COP1: variants seen among roughly 807,000 people sequenced by gnomAD.
COP1 encodes the protein COP1 E3 ubiquitin ligase, also known as E3 ubiquitin-protein ligase COP1.
Under a neutral mutation model 101.3 loss-of-function variants are expected in COP1, and 24 were observed. The ratio of observed to expected loss-of-function variants is 0.24; its 90% CI spans 0.17 to 0.33. The LOEUF (loss-of-function observed/expected upper bound fraction) is 0.33. COP1 is among the 10% of genes least tolerant of loss of function. The probability of loss-of-function intolerance (pLI) is 1.00; values close to 1 mark genes in which losing one functional copy is unlikely to be tolerated. For missense variants in COP1, 663 were observed against 906.2 expected (o/e 0.73, Z 3.45); for synonymous variants, 347 against 341.9 (o/e 1.01, Z -0.17).
At chr1:176,154,309 A>G (rs1429883565) in intron 5 of COP1, among the ~76,000 whole-genome samples, 1 of 152,200 alleles carries the variant, frequency 6.6e-6, no homozygotes, top group Non-Finnish European at 1.5e-5. Context: ...AAGGAATACA[A>G]ATCCTTGCAT....
intron 9 of COP1, among the ~76,000 whole-genome samples, chr1:176,109,642 G>C (rs1684944775): frequency 6.6e-6 from 1 of 151,880 alleles, no homozygotes; most frequent in Non-Finnish European, 1.5e-5. Flanking sequence ...AATTAAATTA[G>C]TAATTATGGT....
chr1:175,974,615 T>C (rs943285497), intron 18 of COP1, among the ~76,000 whole-genome samples: 2 of 152,172 alleles, frequency 1.3e-5, no homozygotes, highest in Non-Finnish European at 2.9e-5. Context: ...TAAGATCGAA[T>C]AGGTAATTTC....
At chr1:176,116,823 A>G in intron 8 of COP1, 142 bp from the exon 9 acceptor site, 2 of 634,006 alleles carry the variant, frequency 3.2e-6, no homozygotes. Flanking sequence ...ATCATTAGAC[A>G]TCAAATAGAC....
chr1:176,061,638 AAGAAAAAG>A (rs1252561623), intron 11 of COP1, among the ~76,000 whole-genome samples: 156 of 152,310 alleles, frequency 1.0e-3, no homozygotes, highest in African/African-American at 3.6e-3. Flanking sequence ...AAATAAAAAA[AAGAAAAAG>A]AAAAAGAAAA....
chr1:176,086,480 C>T (rs978991396), intron 9 of COP1, among the ~76,000 whole-genome samples: 2 of 152,080 alleles, frequency 1.3e-5, no homozygotes, highest in African/African-American at 4.8e-5. Context: ...CCCGCCTCGG[C>T]CTCCCAAAGT....
intron 3 of COP1, among the ~76,000 whole-genome samples, chr1:176,173,766 T>A (rs906310514): frequency 4.0e-5 from 6 of 151,438 alleles, no homozygotes; most frequent in Non-Finnish European, 8.8e-5. Flanking sequence ...GGCGGGAGGA[T>A]CGCTTGAGTC....
intron 5 of COP1, among the ~76,000 whole-genome samples, chr1:176,159,995 A>T (rs1056727362): frequency 4.6e-5 from 7 of 152,194 alleles, no homozygotes; most frequent in Non-Finnish European, 4.4e-5. Flanking sequence ...GGAAAGATTC[A>T]GGTTAAATAA....
chr1:176,024,402 A>G (rs189301010), intron 15 of COP1, among the ~76,000 whole-genome samples: 1 of 152,316 alleles, frequency 6.6e-6, no homozygotes, highest in East Asian at 1.9e-4. Context: ...CAACCTCAAC[A>G]GAGGCAAAAA....
chr1:175,993,838 G>C (rs1423271400), intron 15 of COP1, among the ~76,000 whole-genome samples: 2 of 152,186 alleles, frequency 1.3e-5, no homozygotes, highest in East Asian at 3.8e-4. Flanking sequence ...TTATCCAGGA[G>C]AACTTCCCCA....
chr1:176,084,479 C>G (rs924802422), intron 10 of COP1, among the ~76,000 whole-genome samples: 1 of 152,140 alleles, frequency 6.6e-6, no homozygotes, highest in Non-Finnish European at 1.5e-5. Context: ...CAATGACTTT[C>G]TTCACACAAC....
At chr1:176,034,301 A>AT (rs1241241068) in intron 14 of COP1, among the ~76,000 whole-genome samples, 1 of 151,922 alleles carries the variant, frequency 6.6e-6, no homozygotes, top group Non-Finnish European at 1.5e-5. Context: ...ATTGGGAGTA[A>AT]TTTTTTCCTT....
At chr1:176,087,232 G>A (rs1680375408) in intron 9 of COP1, among the ~76,000 whole-genome samples, 1 of 152,078 alleles carries the variant, frequency 6.6e-6, no homozygotes, top group African/African-American at 2.4e-5. Context: ...CAAAAGCAAT[G>A]GCAACAAAAG....
intron 11 of COP1, among the ~76,000 whole-genome samples, chr1:176,049,545 AT>A (rs1672174066): frequency 6.6e-6 from 1 of 152,104 alleles, no homozygotes; most frequent in South Asian, 2.1e-4. Flanking sequence ...GAAAATTTTG[AT>A]TAAAAGGGAA....
chr1:176,126,311 A>C (rs1245551710), intron 8 of COP1, among the ~76,000 whole-genome samples: 1 of 152,186 alleles, frequency 6.6e-6, no homozygotes, highest in Non-Finnish European at 1.5e-5. Context: ...CTAAGAGGAA[A>C]GGTTTCACTT....
intron 1 of COP1, among the ~76,000 whole-genome samples, chr1:176,200,990 T>C (rs770746391): frequency 6.6e-6 from 1 of 152,070 alleles, no homozygotes; most frequent in Non-Finnish European, 1.5e-5. Flanking sequence ...ATGCCCAACT[T>C]AAAAAACATT....
intron 9 of COP1, among the ~76,000 whole-genome samples, chr1:176,114,604 G>C (rs1196775557): frequency 1.4e-5 from 2 of 146,198 alleles, no homozygotes; most frequent in Non-Finnish European, 3.0e-5. Flanking sequence ...GAGGGAGTGG[G>C]GGGGAAAGGG....
At chr1:176,045,562 T>G (rs1671362467) in intron 12 of COP1, among the ~76,000 whole-genome samples, 1 of 143,786 alleles carries the variant, frequency 7.0e-6, no homozygotes, top group Non-Finnish European at 1.5e-5. Flanking sequence ...GAGAACAGCT[T>G]GGGAAGCTTG....
chr1:176,007,148 C>G (rs1289015937), intron 15 of COP1, among the ~76,000 whole-genome samples: 6 of 152,180 alleles, frequency 3.9e-5, no homozygotes, highest in African/African-American at 1.2e-4. Context: ...GCTCCTGAGG[C>G]TTCTGCATTC....
At chr1:175,998,063 T>TAAAAAAAAAAAAAAAAAAAAAAA (rs57110017) in intron 15 of COP1, among the ~76,000 whole-genome samples, 2 of 66,802 alleles carry the variant, frequency 3.0e-5, no homozygotes, top group African/African-American at 1.6e-4. Context: ...AGAGTATAAT[T>TAAAAAAAAAAAAAAAAAAAAAAA]AAAAAAAAAA....
Sources: allele counts gnomAD v4.1 joint callset (sites outside exome capture counted in the v4.1 genomes callset), GRCh38; gene constraint gnomAD v4.1.1; transcripts MANE v1.5; gene names NCBI Gene and HGNC (gene_info 2026-07-23, HGNC 2026-07-21).